Variants in ARHGAP15 observed in about 807,000 individuals in gnomAD.
The protein encoded by ARHGAP15 is Rho GTPase activating protein 15, also known as rho GTPase-activating protein 15.
ARHGAP15 carries 51 observed loss-of-function variants against 63.7 expected under a neutral mutation model. The observed-to-expected ratio is 0.80, with a 90% CI of 0.64 to 1.01. The LOEUF is 1.01. ARHGAP15 is among the 50% of genes least tolerant of loss of function. The pLI is 0.00. For synonymous variants in ARHGAP15, 191 were observed against 193.8 expected (o/e 0.99, Z 0.12); for missense variants, 560 against 564.6 (o/e 0.99, Z 0.08).
At chr2:143,606,072 C>CAAAAAAAA (rs1698015321) in intron 11 of ARHGAP15, among the ~76,000 whole-genome samples, 1 of 8,772 alleles carries the variant, frequency 1.1e-4, no homozygotes, top group East Asian at 3.7e-3. Flanking sequence ...AAAAAAAAAG[C>CAAAAAAAA]CATACATCTG....
At chr2:143,152,715 C>T (rs1317105515) in intron 1 of ARHGAP15, among the ~76,000 whole-genome samples, 1 of 151,888 alleles carries the variant, frequency 6.6e-6, no homozygotes, top group Non-Finnish European at 1.5e-5. Context: ...AAATATTTAA[C>T]AATAGAAGAA....
chr2:143,276,555 T>C (rs1409924295), intron 6 of ARHGAP15, among the ~76,000 whole-genome samples: 1 of 152,240 alleles, frequency 6.6e-6, no homozygotes, highest in Admixed American at 6.5e-5. Flanking sequence ...TTAACTGGCA[T>C]TTTTATGCAT....
intron 5 of ARHGAP15, among the ~76,000 whole-genome samples, chr2:143,248,989 T>G (rs1679991232): frequency 1.3e-5 from 2 of 152,170 alleles, no homozygotes; most frequent in Non-Finnish European, 2.9e-5. Flanking sequence ...CTAATGTAAT[T>G]AAATCTATAA....
intron 12 of ARHGAP15, among the ~76,000 whole-genome samples, chr2:143,642,618 G>C (rs909924948): frequency 1.3e-5 from 2 of 152,118 alleles, no homozygotes; most frequent in African/African-American, 4.8e-5. Flanking sequence ...CTCAAGGAGA[G>C]TACTGAAGAA....
intron 6 of ARHGAP15, among the ~76,000 whole-genome samples, chr2:143,363,343 C>A (rs112609683): frequency 2.0e-5 from 3 of 152,060 alleles, no homozygotes; most frequent in African/African-American, 7.2e-5. Flanking sequence ...AGTATGAGAC[C>A]AGCCTTGCTA....
chr2:143,740,599 C>T (rs1003167157), intron 13 of ARHGAP15, among the ~76,000 whole-genome samples: 4 of 152,148 alleles, frequency 2.6e-5, no homozygotes, highest in Admixed American at 6.5e-5. Context: ...ATCAAAACAG[C>T]GTCAGCGGTG....
intron 6 of ARHGAP15, among the ~76,000 whole-genome samples, chr2:143,385,014 C>A (rs898602490): frequency 6.6e-6 from 1 of 152,128 alleles, no homozygotes; most frequent in Non-Finnish European, 1.5e-5. Context: ...GATAGAAGCC[C>A]TAGGCTACCA....
intron 11 of ARHGAP15, among the ~76,000 whole-genome samples, chr2:143,571,597 C>T (rs1417166401): frequency 6.6e-6 from 1 of 152,176 alleles, no homozygotes; most frequent in Non-Finnish European, 1.5e-5. Context: ...TGGAATAATT[C>T]CCTTTAAATA....
In ARHGAP15 at chr2:143,394,459, C is replaced by T. The variant is rs192166700; in HGVS notation, c.475-41142C>T. The stretch of plus-strand genomic sequence containing the variant: ...AGTGCAAGCATGGTTTCCAAGAGAC[C>T]TTGACTCTACATTACAGATGCCTTA... On this transcript the variant is annotated intron_variant, in intron 6 of 13. Transcript: ENST00000295095. Among the ~76,000 whole-genome samples, 5 of 152,244 alleles carry T rather than the reference C, an allele frequency of 3.3e-5. No homozygotes were observed. The East Asian group carries it at 7.7e-4, about 23-fold the overall frequency.
intron 13 of ARHGAP15, among the ~76,000 whole-genome samples, chr2:143,738,157 A>C (rs1305635660): frequency 6.6e-6 from 1 of 152,096 alleles, no homozygotes; most frequent in African/African-American, 2.4e-5. Flanking sequence ...AGTTTTAAAT[A>C]ATATTCACTA....
At chr2:143,209,558 A>T (rs1484738200) in intron 3 of ARHGAP15, among the ~76,000 whole-genome samples, 1 of 101,450 alleles carries the variant, frequency 9.9e-6, no homozygotes, top group Non-Finnish European at 2.0e-5. Context: ...GTGCTATGAT[A>T]AAAAAAAAAC....
chr2:143,148,120 T>G (rs980007968), intron 1 of ARHGAP15, among the ~76,000 whole-genome samples: 3 of 152,020 alleles, frequency 2.0e-5, no homozygotes, highest in African/African-American at 7.2e-5. Context: ...TCATCTTGTG[T>G]GGATGTTCAC....
intron 12 of ARHGAP15, among the ~76,000 whole-genome samples, chr2:143,628,193 G>A (rs934901874): frequency 1.6e-4 from 25 of 152,182 alleles, no homozygotes; most frequent in African/African-American, 5.5e-4. Flanking sequence ...TATTCTGTGT[G>A]TATGTACCAC....
chr2:143,272,651 C>CA lies in ARHGAP15; in HGVS notation c.474+22059dup, dbSNP rs201581412. Among the ~76,000 whole-genome samples the CA allele has an allele frequency of 3.9e-3, 593 of 150,860 alleles. 10 individuals carry two copies. Among genetic ancestry groups the CA allele is most frequent in the East Asian group, 0.02 (105 of 5,156 alleles). On this transcript the variant is annotated intron_variant, in intron 6 of 13. Coordinates refer to ENST00000295095, the MANE Select transcript of ARHGAP15 (RefSeq NM_018460.4). ...CTGGCAACAGAATGAGACTGCGTCG[C>CA]AAAAAAAATAAAAAAATTCTAGAAA...
chr2:143,232,504 C>T (rs916575644), intron 5 of ARHGAP15, among the ~76,000 whole-genome samples: 1 of 152,100 alleles, frequency 6.6e-6, no homozygotes, highest in Non-Finnish European at 1.5e-5. Context: ...TTATTTATAA[C>T]TCACTTAAAA....
chr2:143,618,965 C>T (rs543545510), intron 11 of ARHGAP15, among the ~76,000 whole-genome samples: 1 of 151,382 alleles, frequency 6.6e-6, no homozygotes, highest in African/African-American at 2.4e-5. Flanking sequence ...GCTGGGATTA[C>T]AGGCATGCCA....
intron 6 of ARHGAP15, among the ~76,000 whole-genome samples, chr2:143,307,649 A>C (rs1011719018): frequency 5.3e-5 from 8 of 152,112 alleles, no homozygotes; most frequent in Non-Finnish European, 1.2e-4. Flanking sequence ...AGAGAGAGAA[A>C]AGAGAAACTT....
At chr2:143,289,935 C>A (rs915407768) in intron 6 of ARHGAP15, among the ~76,000 whole-genome samples, 2 of 152,132 alleles carry the variant, frequency 1.3e-5, no homozygotes, top group Admixed American at 1.3e-4. Context: ...TCATAATAAA[C>A]TTTGAATAAA....
intron 3 of ARHGAP15, among the ~76,000 whole-genome samples, chr2:143,205,869 C>A (rs572846083): frequency 2.6e-5 from 4 of 152,018 alleles, no homozygotes; most frequent in South Asian, 2.1e-4. Context: ...TCCTTGTGCA[C>A]CCCCAAACCC....
Sources: allele counts gnomAD v4.1 joint callset (sites outside exome capture counted in the v4.1 genomes callset), GRCh38; gene constraint gnomAD v4.1.1; transcripts MANE v1.5; gene names NCBI Gene and HGNC (gene_info 2026-07-23, HGNC 2026-07-21).